The following MED27 variants were observed in gnomAD, a reference collection of about 807,000 sequenced individuals.
MED27 encodes the protein mediator of RNA polymerase II transcription subunit 27.
A neutral mutation model predicts 38.2 loss-of-function variants in MED27; 30 were observed. That is an observed-to-expected ratio of 0.79 (90% confidence interval 0.59 to 1.07). MED27 has a LOEUF of 1.07. Among genes scored for constraint, MED27 ranks in the 50% least tolerant of loss-of-function variants. The pLI is 0.00. For synonymous variants in MED27, 122 were observed against 153.5 expected, an observed-to-expected ratio of 0.79 and a Z score of 1.52; for missense variants, 289 against 397.5, an observed-to-expected ratio of 0.73 and a Z score of 2.32.
intron 4 of MED27, among the ~76,000 whole-genome samples, chr9:131,910,186 C>T (rs894705499): frequency 6.6e-6 from 1 of 152,176 alleles, no homozygotes; most frequent in African/African-American, 2.4e-5. Flanking sequence ...GATTTACCAC[C>T]TCTACCCCTA....
At chr9:132,047,585 A>T (rs1034277252) in intron 2 of MED27, among the ~76,000 whole-genome samples, 1 of 152,016 alleles carries the variant, frequency 6.6e-6, no homozygotes, top group African/African-American at 2.4e-5. Context: ...TGACCCAATC[A>T]TTCTTCCGAG....
At chr9:131,946,002 T>C (rs1024465939) in intron 3 of MED27, among the ~76,000 whole-genome samples, 7 of 151,456 alleles carry the variant, frequency 4.6e-5, no homozygotes, top group Admixed American at 4.6e-4. Flanking sequence ...TCGTGCAATA[T>C]TTGTCTTTCT....
At chr9:131,943,594 T>TA (rs1830827825) in intron 3 of MED27, among the ~76,000 whole-genome samples, 2 of 152,192 alleles carry the variant, frequency 1.3e-5, no homozygotes, top group African/African-American at 4.8e-5. Context: ...CTTTAATTTT[T>TA]ACCTTTGGAA....
chr9:131,876,785 G>C (rs1838941892), intron 6 of MED27, among the ~76,000 whole-genome samples: 1 of 152,138 alleles, frequency 6.6e-6, no homozygotes, highest in Admixed American at 6.6e-5. Context: ...CAAATCTCTT[G>C]GGCATACCAC....
rs1831177506 is a variant in MED27, at chr9:131,959,817, A to G, written c.480-20343T>C. Among the ~76,000 whole-genome samples, 3 of 152,344 alleles carry G rather than the reference A, an allele frequency of 2.0e-5. No homozygotes were observed. The South Asian group carries it at 6.2e-4, about 32-fold the overall frequency. ...TCAGTGAAATCTATCAGTATATAAC[A>G]GCAGAACAATTCCAAGTACCATTCT... On this transcript the variant is annotated intron_variant, in intron 3 of 7. Coordinates refer to ENST00000292035, the MANE Select transcript of MED27 (RefSeq NM_004269.4).
chr9:131,973,600 T>G (rs1037972193), intron 3 of MED27, among the ~76,000 whole-genome samples: 7 of 152,032 alleles, frequency 4.6e-5, no homozygotes, highest in Non-Finnish European at 4.4e-5. Flanking sequence ...GGCTTTGTCT[T>G]GTCTGACTGG....
chr9:132,051,491 T>A lies in MED27; in HGVS notation c.348+25951A>T, dbSNP rs905128065. On this transcript the variant is annotated intron_variant, in intron 2 of 7. Coordinates refer to ENST00000292035, the MANE Select transcript of MED27 (RefSeq NM_004269.4). This position sits in a 1 kb window ranked among gnomAD's most constrained non-coding sequence, Gnocchi z 4.2. Reference sequence around the variant, plus strand: ...TGATGCTTTTCAAAGCCCTATCCCATCCCCTGCCCCTCCTTAGCTAGACAT... The same window carrying A: ...TGATGCTTTTCAAAGCCCTATCCCAACCCCTGCCCCTCCTTAGCTAGACAT... Among the ~76,000 whole-genome samples the A allele has an allele frequency of 1.3e-5, 2 of 152,012 alleles. No homozygotes were observed. Among genetic ancestry groups the A allele is most frequent in the African/African-American group, 4.8e-5 (2 of 41,372 alleles).
At chr9:132,050,757 G>A (rs1352942721) in intron 2 of MED27, among the ~76,000 whole-genome samples, 1 of 152,012 alleles carries the variant, frequency 6.6e-6, no homozygotes, top group Non-Finnish European at 1.5e-5. Flanking sequence ...CCCATCAAAG[G>A]GACTCACCCC....
intron 5 of MED27, among the ~76,000 whole-genome samples, chr9:131,891,064 G>A (rs188028555): frequency 2.1e-4 from 32 of 152,304 alleles, no homozygotes; most frequent in African/African-American, 6.7e-4. Context: ...AACCCAGGTC[G>A]GCCATCTCTA....
At chr9:131,885,885 A>G (rs1839131018) in intron 5 of MED27, among the ~76,000 whole-genome samples, 1 of 152,192 alleles carries the variant, frequency 6.6e-6, no homozygotes, top group Admixed American at 6.5e-5. Context: ...TATGAATTCA[A>G]GAGTTGAGTG....
chr9:132,030,286 G>A (rs566159293), intron 2 of MED27, among the ~76,000 whole-genome samples: 8 of 152,338 alleles, frequency 5.3e-5, no homozygotes, highest in South Asian at 2.1e-4. Context: ...AAGTCTAGTG[G>A]AGTCTCTGCT....
chr9:131,955,035 G>A (rs955501697), intron 3 of MED27, among the ~76,000 whole-genome samples: 8 of 143,792 alleles, frequency 5.6e-5, no homozygotes, highest in African/African-American at 2.4e-4. Context: ...AGTGCACCTG[G>A]AACACTCACC....
At position 131,867,840 on chromosome 9, in the gene MED27, C is replaced by T. The variant is rs369709364; in HGVS notation, c.724-4700G>A. Among the ~76,000 whole-genome samples, 5 of 152,292 alleles carry T rather than the reference C, an allele frequency of 3.3e-5. No individual in the cohort carries two copies. The East Asian group carries it at 5.8e-4, about 18-fold the overall frequency. ...TTTGTCAGATTCTCATCTAGGAGCT[C>T]GGGGAGGGGTGGAGCGTTGGCACTG... On this transcript the variant is annotated intron_variant, in intron 6 of 7. Transcript: ENST00000292035.
At chr9:132,039,274 C>A (rs1286551817) in intron 2 of MED27, among the ~76,000 whole-genome samples, 1 of 152,186 alleles carries the variant, frequency 6.6e-6, no homozygotes, top group Non-Finnish European at 1.5e-5. Context: ...GGGCACTCTG[C>A]TGAGAGGCGG....
At chr9:132,037,253 T>C (rs1007270739) in intron 2 of MED27, among the ~76,000 whole-genome samples, 15 of 152,198 alleles carry the variant, frequency 9.9e-5, no homozygotes, top group African/African-American at 3.1e-4. Flanking sequence ...TGAAGTGTAA[T>C]CCTAATCCAT....
At chr9:132,064,337 G>A (rs1350798440) in intron 2 of MED27, among the ~76,000 whole-genome samples, 4 of 152,168 alleles carry the variant, frequency 2.6e-5, no homozygotes, top group Non-Finnish European at 5.9e-5. Context: ...GGGATCTAGA[G>A]GAGATGTAAA....
chr9:131,921,989 C>T (rs1158141290), intron 4 of MED27, among the ~76,000 whole-genome samples: 1 of 137,906 alleles, frequency 7.3e-6, no homozygotes, highest in Non-Finnish European at 1.5e-5. Context: ...CACTTGGACA[C>T]AGGGTAGGGA....
intron 2 of MED27, among the ~76,000 whole-genome samples, chr9:132,016,173 T>C (rs905024784): frequency 2.0e-5 from 3 of 152,086 alleles, no homozygotes; most frequent in South Asian, 2.1e-4. Flanking sequence ...CCTAAAGCCA[T>C]AGGGCTGCAT....
chr9:131,994,554 C>A (rs755477081), intron 3 of MED27, among the ~76,000 whole-genome samples: 27 of 152,222 alleles, frequency 1.8e-4, no homozygotes, highest in Non-Finnish European at 3.2e-4. Context: ...CAGACCTCTG[C>A]GAGCTCAATC....
Sources: gnomAD v4.1 joint callset for allele counts (sites outside exome capture counted in the v4.1 genomes callset) on GRCh38, gnomAD v4.1.1 for gene constraint, Gnocchi (gnomAD v3.1) non-coding constraint, MANE v1.5 for transcripts, NCBI Gene and HGNC (gene_info 2026-07-23, HGNC 2026-07-21) for gene names.